Variants in GALNT13 observed in about 807,000 individuals in gnomAD.
GALNT13 encodes UDP-GalNAc:polypeptide N-acetylgalactosaminyltransferase 13.
A neutral mutation model predicts 64.2 loss-of-function variants in GALNT13; 28 were observed. The ratio of observed to expected loss-of-function variants is 0.44; its 90% CI spans 0.32 to 0.60. The LOEUF (loss-of-function observed/expected upper bound fraction) is 0.60, where lower values mean the gene tolerates loss of function less well. Among genes scored for constraint, GALNT13 ranks in the 20% least tolerant of loss-of-function variants. The pLI, the probability that GALNT13 is intolerant of heterozygous loss-of-function variation, is 0.05. For missense variants in GALNT13, 577 were observed against 669.8 expected, an observed-to-expected ratio of 0.86 and a Z score of 1.53; for synonymous variants, 214 against 224.6, an observed-to-expected ratio of 0.95 and a Z score of 0.42.
chr2:153,102,656 C>T, the GALNT13 span, among the ~76,000 whole-genome samples: 4 of 152,084 alleles, frequency 2.6e-5, no homozygotes, highest in African/African-American at 9.7e-5. Context: ...AATACTCTCT[C>T]AATTTCTTGT....
chr2:154,212,486 C>T (rs188588395), intron 4 of GALNT13, among the ~76,000 whole-genome samples: 1 of 152,074 alleles, frequency 6.6e-6, no homozygotes, highest in African/African-American at 2.4e-5. Context: ...TCAGATGATC[C>T]ACCCGCCTCA....
the GALNT13 span, among the ~76,000 whole-genome samples, chr2:153,608,987 T>A: frequency 5.4e-3 from 818 of 150,916 alleles, 5 homozygotes; most frequent in Non-Finnish European, 8.6e-3. Flanking sequence ...CGAAATCTTG[T>A]CTCACTGCAA....
At chr2:154,148,278 G>A (rs1327818278) in intron 4 of GALNT13, among the ~76,000 whole-genome samples, 2 of 151,764 alleles carry the variant, frequency 1.3e-5, no homozygotes, top group East Asian at 3.9e-4. Flanking sequence ...TGGCTGCATA[G>A]TATTCCATGG....
At chr2:153,834,455 C>G in the GALNT13 span, among the ~76,000 whole-genome samples, 13 of 152,166 alleles carry the variant, frequency 8.5e-5, no homozygotes, top group African/African-American at 2.9e-4. Context: ...CTGGAGAGCA[C>G]AGGCTCTGTC....
chr2:153,238,287 C>T, the GALNT13 span, among the ~76,000 whole-genome samples: 1 of 151,714 alleles, frequency 6.6e-6, no homozygotes, highest in African/African-American at 2.4e-5. Flanking sequence ...GGGTGGTTCT[C>T]TTCACTTTTT....
At chr2:153,099,479 AGGT>A in the GALNT13 span, among the ~76,000 whole-genome samples, 2 of 152,208 alleles carry the variant, frequency 1.3e-5, no homozygotes, top group Admixed American at 1.3e-4. Context: ...TGTTAATAAA[AGGT>A]TGATTTGTTA....
chr2:153,079,026 T>C, the GALNT13 span, among the ~76,000 whole-genome samples: 1,031 of 152,244 alleles, frequency 6.8e-3, 9 homozygotes, highest in African/African-American at 0.023. Flanking sequence ...TTAGGTGTAA[T>C]TCTAAAATAT....
At chr2:153,827,996 A>T in the GALNT13 span, among the ~76,000 whole-genome samples, 1 of 152,192 alleles carries the variant, frequency 6.6e-6, no homozygotes, top group Non-Finnish European at 1.5e-5. Flanking sequence ...CAAATCTTAA[A>T]TCTCCAAAAG....
the GALNT13 span, among the ~76,000 whole-genome samples, chr2:153,669,170 C>T: frequency 6.6e-6 from 1 of 152,148 alleles, no homozygotes; most frequent in South Asian, 2.1e-4. Context: ...CCCACCAACA[C>T]ACACCAGCCC....
intron 11 of GALNT13, among the ~76,000 whole-genome samples, chr2:154,422,455 C>G (rs1700295703): frequency 6.6e-6 from 1 of 152,006 alleles, no homozygotes; most frequent in Non-Finnish European, 1.5e-5. Context: ...GAAATGATAC[C>G]TTTCCATTAA....
At chr2:153,081,565 C>T in the GALNT13 span, among the ~76,000 whole-genome samples, 12 of 151,984 alleles carry the variant, frequency 7.9e-5, no homozygotes, top group African/African-American at 2.9e-4. Flanking sequence ...TCTATGTCCA[C>T]GAGTTCAAAG....
chr2:153,236,776 G>A, the GALNT13 span, among the ~76,000 whole-genome samples: 143 of 152,122 alleles, frequency 9.4e-4, no homozygotes, highest in Middle Eastern at 3.4e-3. Context: ...CTAACACAAC[G>A]TTCATTCTGC....
intron 3 of GALNT13, among the ~76,000 whole-genome samples, chr2:154,062,660 G>A (rs1208415536): frequency 6.6e-6 from 1 of 152,138 alleles, no homozygotes; most frequent in East Asian, 1.9e-4. Context: ...AACAGCAAGG[G>A]GAAAATCTGC....
At chr2:154,061,904 T>C (rs1700209225) in intron 3 of GALNT13, among the ~76,000 whole-genome samples, 1 of 152,232 alleles carries the variant, frequency 6.6e-6, no homozygotes, top group Non-Finnish European at 1.5e-5. Context: ...TAAGAGTATA[T>C]GTGTACAATA....
At chr2:153,654,870 A>G in the GALNT13 span, among the ~76,000 whole-genome samples, 2 of 152,112 alleles carry the variant, frequency 1.3e-5, no homozygotes, top group African/African-American at 4.8e-5. Flanking sequence ...ATACCAAAGA[A>G]TAACTCTGTA....
the GALNT13 span, among the ~76,000 whole-genome samples, chr2:153,760,969 CATT>C: frequency 2.6e-5 from 4 of 152,120 alleles, no homozygotes; most frequent in Non-Finnish European, 5.9e-5. Flanking sequence ...TATCCTTAAA[CATT>C]ATGTAATAAC....
At chr2:153,746,645 A>T in the GALNT13 span, among the ~76,000 whole-genome samples, 8 of 152,132 alleles carry the variant, frequency 5.3e-5, no homozygotes, top group African/African-American at 1.9e-4. Context: ...TGGTGGGTGC[A>T]GTGGAATTTC....
chr2:153,956,899 A>G (rs959378179), intron 3 of GALNT13, among the ~76,000 whole-genome samples: 1 of 152,170 alleles, frequency 6.6e-6, no homozygotes, highest in African/African-American at 2.4e-5. Context: ...CACTTTTAAC[A>G]GTTTTATGTA....
At chr2:153,861,908 T>A in the GALNT13 span, among the ~76,000 whole-genome samples, 3,193 of 152,268 alleles carry the variant, frequency 0.021, 126 homozygotes, top group African/African-American at 0.073. Flanking sequence ...CTAGAGGCCA[T>A]GACACTAGGT....
Sources: allele counts gnomAD v4.1 joint callset (sites outside exome capture counted in the v4.1 genomes callset), GRCh38; gene constraint gnomAD v4.1.1; transcripts MANE v1.5; gene names NCBI Gene and HGNC (gene_info 2026-07-23, HGNC 2026-07-21).